Variants in SAXO2 observed in about 807,000 individuals in gnomAD.
SAXO2 encodes stabilizer of axonemal microtubules 2.
In SAXO2, 17 loss-of-function variants were observed where a neutral mutation model predicts 18.7. The observed-to-expected ratio is 0.91, with a 90% CI of 0.62 to 1.36. The LOEUF (loss-of-function observed/expected upper bound fraction) is 1.36. Among genes scored for constraint, SAXO2 ranks in the 40% most tolerant of loss-of-function variants. The pLI is 0.00. For synonymous variants in SAXO2, 163 were observed against 181.2 expected (o/e 0.90, Z 0.81); for missense variants, 486 against 562.6 (o/e 0.86, Z 1.38).
chr15:82,266,941 CT>C (rs1237343276), intron 2 of SAXO2, among the ~76,000 whole-genome samples: 1 of 152,088 alleles, frequency 6.6e-6, no homozygotes, highest in African/African-American at 2.4e-5. Context: ...TTGGACTTAC[CT>C]TTTTTGATCT....
At chr15:82,272,394 C>T (rs2075280003) in intron 3 of SAXO2, among the ~76,000 whole-genome samples, 1 of 152,196 alleles carries the variant, frequency 6.6e-6, no homozygotes, top group South Asian at 2.1e-4. Flanking sequence ...CAGTGCTAGA[C>T]TACCACATAG....
At chr15:82,277,646 C>G (rs1184964739) in intron 3 of SAXO2, among the ~76,000 whole-genome samples, 1 of 152,084 alleles carries the variant, frequency 6.6e-6, no homozygotes, top group Admixed American at 6.6e-5. Context: ...GTTTATGAAT[C>G]CTTTAGAAAG....
chr15:82,267,643 A>G (rs1489617461), intron 2 of SAXO2, among the ~76,000 whole-genome samples: 1 of 152,212 alleles, frequency 6.6e-6, no homozygotes, highest in Non-Finnish European at 1.5e-5. Context: ...GCTCATTCTT[A>G]TATAGCAAAG....
At chr15:82,265,995 A>G (rs566986258) in intron 2 of SAXO2, among the ~76,000 whole-genome samples, 3 of 152,134 alleles carry the variant, frequency 2.0e-5, no homozygotes, top group South Asian at 4.1e-4. Flanking sequence ...TTCTTAAAAT[A>G]TCTCATATTT....
At chr15:82,267,277 G>A (rs1047394884) in intron 2 of SAXO2, among the ~76,000 whole-genome samples, 6 of 152,152 alleles carry the variant, frequency 3.9e-5, no homozygotes, top group African/African-American at 9.7e-5. Flanking sequence ...CCGGAAAGGC[G>A]GGACAACTGG....
At chr15:82,279,484 G>T (rs375597757) in intron 3 of SAXO2, among the ~76,000 whole-genome samples, 1 of 152,018 alleles carries the variant, frequency 6.6e-6, no homozygotes, top group Non-Finnish European at 1.5e-5. Context: ...TAATTAATTG[G>T]GGCATGCTAA....
Position 82,277,097 on chromosome 15 carries a change from GA to G in SAXO2, c.434-5017del, listed in dbSNP as rs544374608. Among the ~76,000 whole-genome samples, 449 of 152,202 alleles carry G rather than the reference GA, an allele frequency of 3.0e-3. 5 individuals carry two copies. Among genetic ancestry groups the G allele is most frequent in the African/African-American group, 0.01 (429 of 41,548 alleles). Reference sequence around the variant, plus strand: ...AAAATATCCATTTAAGTTGGAGCCAGAAAAATCTCATAATAAGTCAAAAATT... The same window carrying G: ...AAAATATCCATTTAAGTTGGAGCCAGAAAATCTCATAATAAGTCAAAAATT... On this transcript the variant is annotated intron_variant, in intron 3 of 3. Transcript: ENST00000682753.
At chr15:82,266,618 A>G (rs969967183) in intron 2 of SAXO2, among the ~76,000 whole-genome samples, 2 of 151,984 alleles carry the variant, frequency 1.3e-5, no homozygotes, top group South Asian at 4.1e-4. Flanking sequence ...TGTTTTCCCT[A>G]CCTGTAGTTT....
At chr15:82,264,567 GT>G in intron 1 of SAXO2, 3 of 685,326 alleles carry the variant, frequency 4.4e-6, no homozygotes, top group Non-Finnish European at 7.9e-6. Context: ...ATCTCCTCTG[GT>G]TAGTCTAGGC....
chr15:82,277,910 A>G (rs2075329223), intron 3 of SAXO2, among the ~76,000 whole-genome samples: 1 of 152,192 alleles, frequency 6.6e-6, no homozygotes, highest in South Asian at 2.1e-4. Flanking sequence ...ACTCTTCCCT[A>G]TGGATGTTCA....
At chr15:82,272,275 G>A (rs939699894) in intron 3 of SAXO2, among the ~76,000 whole-genome samples, 1 of 152,158 alleles carries the variant, frequency 6.6e-6, no homozygotes, top group Non-Finnish European at 1.5e-5. Flanking sequence ...GCAAAATACT[G>A]CTTTTACACT....
At chr15:82,277,477 A>T (rs1395845560) in intron 3 of SAXO2, among the ~76,000 whole-genome samples, 1 of 152,240 alleles carries the variant, frequency 6.6e-6, no homozygotes, top group Non-Finnish European at 1.5e-5. Context: ...CCCTATATCT[A>T]TAAAGGAAAT....
At chr15:82,271,522 C>T in intron 2 of SAXO2, 81 bp from the exon 3 acceptor site, 1 of 1,162,008 alleles carries the variant, frequency 8.6e-7, no homozygotes, top group African/African-American at 1.6e-5. Context: ...GAAAAAAAAG[C>T]CTTGACATTT....
intron 3 of SAXO2, among the ~76,000 whole-genome samples, chr15:82,278,942 A>G (rs183909580): frequency 1.2e-4 from 19 of 152,318 alleles, no homozygotes; most frequent in African/African-American, 3.6e-4. Context: ...TTTAAGGTTC[A>G]TATTAGAAAA....
In SAXO2 at chr15:82,272,967, G is replaced by A. The variant is rs560609009; in HGVS notation, c.433+1165G>A. Among the ~76,000 whole-genome samples, 610 of 150,716 alleles carry A rather than the reference G, an allele frequency of 4.0e-3. 4 individuals carry two copies. The highest frequency in any genetic ancestry group is 0.011 in the African/African-American group (442 of 40,980). ...GTTGCCCAGGCTGGAGTATAGTGGC[G>A]CAATCTTGGCTCACTGCAACCTCTG... On this transcript the variant is annotated intron_variant, in intron 3 of 3. Transcript: ENST00000682753.
rs191261796 is a variant in SAXO2, at chr15:82,264,279, C to T, written c.54-1290C>T. 4.5e-4 allele frequency among the ~76,000 whole-genome samples: 69 copies of T among 151,782 alleles called. No homozygotes were observed. In the East Asian group the frequency reaches 0.013, roughly 29 times the overall value. Reference sequence around the variant, plus strand: ...TAGAGACGGGGTTTCACCATGTTGGCCTCCATCTCCTGACCTCATGATCTG... The same window carrying T: ...TAGAGACGGGGTTTCACCATGTTGGTCTCCATCTCCTGACCTCATGATCTG... On this transcript the variant is annotated intron_variant, in intron 1 of 3. Transcript: ENST00000682753.
In SAXO2 at chr15:82,282,920, T is replaced by C. The variant is rs1399502718; in HGVS notation, c.1235T>C (p.Met412Thr). 1 of 1,614,054 alleles carries C rather than the reference T, an allele frequency of 6.2e-7. No homozygotes were observed. Among genetic ancestry groups the C allele is most frequent in the Non-Finnish European group, 8.5e-7 (1 of 1,180,022 alleles). ...KSSVPFDDVT[M>T]YSVEYTPKRQ... ...TCTGTTCCATTTGATGATGTAACCA[T>C]GTACTCTGTAGAGTACACACCGAAA... Residue 412 changes from methionine (M) to threonine (T), a missense_variant, in exon 4 of 4, where the codon ATG (methionine) becomes ACG (threonine). Coordinates refer to ENST00000682753, the MANE Select transcript of SAXO2 (RefSeq NM_001348699.2).
intron 3 of SAXO2, among the ~76,000 whole-genome samples, chr15:82,280,719 A>C (rs2075355892): frequency 6.6e-6 from 1 of 152,168 alleles, no homozygotes; most frequent in African/African-American, 2.4e-5. Flanking sequence ...GTCTATTTTG[A>C]ATGTAACTTC....
intron 2 of SAXO2, among the ~76,000 whole-genome samples, 192 bp downstream of exon 2, chr15:82,265,940 T>A (rs1363004095): frequency 6.6e-6 from 1 of 151,464 alleles, no homozygotes; most frequent in Admixed American, 6.6e-5. Context: ...GTTGACAAAG[T>A]GTGAGAAGAA....
Sources: gnomAD v4.1 joint callset for allele counts (sites outside exome capture counted in the v4.1 genomes callset) on GRCh38, gnomAD v4.1.1 for gene constraint, MANE v1.5 for transcripts, NCBI Gene and HGNC (gene_info 2026-07-23, HGNC 2026-07-21) for gene names.